TRAPPC9: variants seen among roughly 807,000 people sequenced by gnomAD.
TRAPPC9 encodes the protein trafficking protein particle complex subunit 9.
TRAPPC9 carries 83 observed loss-of-function variants against 124.0 expected under a neutral mutation model. The ratio of observed to expected loss-of-function variants is 0.67; its 90% CI spans 0.56 to 0.80. TRAPPC9 has a LOEUF of 0.80. Ranked by LOEUF, TRAPPC9 falls within the 30% of genes least tolerant of loss-of-function variation. The pLI, the probability that TRAPPC9 is intolerant of heterozygous loss-of-function variation, is 0.00. For missense variants in TRAPPC9, 1,302 were observed against 1,508.3 expected (o/e 0.86, Z 2.27); for synonymous variants, 638 against 617.5 (o/e 1.03, Z -0.49).
intron 21 of TRAPPC9, among the ~76,000 whole-genome samples, chr8:139,735,809 G>A (rs1018737410): frequency 6.6e-6 from 1 of 152,152 alleles, no homozygotes; most frequent in Non-Finnish European, 1.5e-5. Flanking sequence ...CCCTTGGGAA[G>A]AGAAAGCTGA....
At chr8:140,034,160 C>T (rs1274732667) in intron 17 of TRAPPC9, among the ~76,000 whole-genome samples, 3 of 152,078 alleles carry the variant, frequency 2.0e-5, no homozygotes, top group Non-Finnish European at 2.9e-5. Context: ...TGTGTTTGTA[C>T]CCAACACAAG....
chr8:140,456,397 G>T (rs1028293750), intron 1 of TRAPPC9, among the ~76,000 whole-genome samples: 7 of 145,444 alleles, frequency 4.8e-5, no homozygotes, highest in Non-Finnish European at 1.0e-4. Context: ...AGGCGACAGT[G>T]CGAGACTCCG....
At chr8:140,339,264 C>T (rs1222311574) in intron 9 of TRAPPC9, among the ~76,000 whole-genome samples, 1 of 152,256 alleles carries the variant, frequency 6.6e-6, no homozygotes, top group East Asian at 1.9e-4. Context: ...CATTTCAGAT[C>T]TCTGGCCTTT....
chr8:140,331,845 G>C (rs1247360785), intron 9 of TRAPPC9, among the ~76,000 whole-genome samples: 1 of 152,162 alleles, frequency 6.6e-6, no homozygotes, highest in African/African-American at 2.4e-5. Context: ...GGAGGGTGCA[G>C]AGAAAGGGGA....
intron 9 of TRAPPC9, among the ~76,000 whole-genome samples, chr8:140,339,464 T>G (rs1350308224): frequency 2.0e-5 from 3 of 152,136 alleles, no homozygotes; most frequent in Non-Finnish European, 4.4e-5. Flanking sequence ...CATATATGAG[T>G]GCTTATTTAA....
chr8:140,382,401 T>A (rs192574490), intron 7 of TRAPPC9, among the ~76,000 whole-genome samples: 1 of 152,344 alleles, frequency 6.6e-6, no homozygotes, highest in East Asian at 1.9e-4. Context: ...CAAGCAAAGC[T>A]GTGACAGATG....
intron 19 of TRAPPC9, among the ~76,000 whole-genome samples, chr8:139,954,663 C>T (rs60773959): frequency 2.2e-3 from 338 of 152,288 alleles, no homozygotes; most frequent in African/African-American, 7.7e-3. Context: ...CCTGTGTTTG[C>T]GTTTGTGTCT....
chr8:140,256,885 G>A (rs916327655), intron 15 of TRAPPC9, among the ~76,000 whole-genome samples: 1 of 152,186 alleles, frequency 6.6e-6, no homozygotes, highest in African/African-American at 2.4e-5. Flanking sequence ...ACGGTGCCCA[G>A]TGAGTCTCAG....
intron 4 of TRAPPC9, among the ~76,000 whole-genome samples, chr8:140,433,268 G>A (rs936349540): frequency 6.7e-6 from 1 of 150,000 alleles, no homozygotes; most frequent in Non-Finnish European, 1.5e-5. Flanking sequence ...CTTCAGCCTG[G>A]GCAACAGAGC....
At chr8:140,232,176 G>A (rs566819222) in intron 16 of TRAPPC9, among the ~76,000 whole-genome samples, 1 of 152,134 alleles carries the variant, frequency 6.6e-6, no homozygotes, top group South Asian at 2.1e-4. Flanking sequence ...AGGCTCAAAC[G>A]ATCCTCCCAC....
intron 17 of TRAPPC9, among the ~76,000 whole-genome samples, chr8:140,140,095 G>A (rs2061361584): frequency 6.6e-6 from 1 of 152,170 alleles, no homozygotes; most frequent in Non-Finnish European, 1.5e-5. Context: ...TGTCCCACGA[G>A]GGCAAGTGCA....
intron 5 of TRAPPC9, among the ~76,000 whole-genome samples, chr8:140,409,379 TGAA>T (rs747472579): frequency 1.3e-5 from 2 of 152,206 alleles, no homozygotes; most frequent in African/African-American, 4.8e-5. Context: ...GCGGCCTTTA[TGAA>T]GAAGACTTTG....
intron 21 of TRAPPC9, among the ~76,000 whole-genome samples, chr8:139,744,400 G>A (rs918776385): frequency 6.6e-6 from 1 of 152,102 alleles, no homozygotes; most frequent in African/African-American, 2.4e-5. Context: ...GCTGGGAAGG[G>A]GCCTTCTCTC....
chr8:139,830,413 G>A (rs1332222582), intron 21 of TRAPPC9, among the ~76,000 whole-genome samples: 1 of 151,258 alleles, frequency 6.6e-6, no homozygotes, highest in Non-Finnish European at 1.5e-5. Flanking sequence ...GCATACACCT[G>A]CAAATGAGCA....
intron 17 of TRAPPC9, among the ~76,000 whole-genome samples, chr8:140,173,181 T>C (rs1164573424): frequency 6.6e-6 from 1 of 152,158 alleles, no homozygotes; most frequent in Non-Finnish European, 1.5e-5. Context: ...ACAAGACTAC[T>C]ACAAGAATTA....
At chr8:140,061,897 C>A (rs1842642228) in intron 17 of TRAPPC9, among the ~76,000 whole-genome samples, 1 of 152,172 alleles carries the variant, frequency 6.6e-6, no homozygotes, top group African/African-American at 2.4e-5. Flanking sequence ...AGACCAGGCC[C>A]ACTCCAACAT....
At chr8:139,958,762 C>T (rs896476483) in intron 19 of TRAPPC9, among the ~76,000 whole-genome samples, 1 of 152,228 alleles carries the variant, frequency 6.6e-6, no homozygotes, top group African/African-American at 2.4e-5. Flanking sequence ...CAGTCAGCTT[C>T]CTTAGACATG....
chr8:140,011,118 T>A (rs1266523860), intron 18 of TRAPPC9, among the ~76,000 whole-genome samples: 14 of 151,586 alleles, frequency 9.2e-5, no homozygotes, highest in Non-Finnish European at 1.5e-5. Flanking sequence ...GAAGGGAGGG[T>A]CCCCTGAGGT....
At chr8:139,901,680 C>T (rs2131222709) in intron 20 of TRAPPC9, among the ~76,000 whole-genome samples, 1 of 152,338 alleles carries the variant, frequency 6.6e-6, no homozygotes, top group African/African-American at 2.4e-5. Context: ...TCTCCATAGG[C>T]TTCCTCTGGT....
Sources: allele counts gnomAD v4.1 joint callset (sites outside exome capture counted in the v4.1 genomes callset), GRCh38; gene constraint gnomAD v4.1.1; transcripts MANE v1.5; gene names NCBI Gene and HGNC (gene_info 2026-07-23, HGNC 2026-07-21).